The following FBL variants were observed in gnomAD, a reference collection of about 807,000 sequenced individuals.
FBL encodes fibrillarin rRNA 2'-O-methyltransferase.
FBL carries 10 observed loss-of-function variants against 42.2 expected under a neutral mutation model. The observed-to-expected ratio is 0.24, with a 90% CI of 0.15 to 0.40. The LOEUF is 0.40. FBL is among the 10% of genes least tolerant of loss of function. The pLI, the probability that FBL is intolerant of heterozygous loss-of-function variation, is 1.00. For synonymous variants in FBL, 165 were observed against 165.4 expected (o/e 1.00, Z 0.02); for missense variants, 351 against 439.2 (o/e 0.80, Z 1.79).
In FBL at chr19:39,836,603, C is replaced by A; in HGVS notation, c.748G>T (p.Ala250Ser). The A allele has an allele frequency of 1.2e-6, 2 of 1,614,156 alleles. No individual in the cohort carries two copies. Among genetic ancestry groups the A allele is most frequent in the South Asian group, 2.2e-5 (2 of 91,088 alleles). ...PDQTRIVALN[A>S]HTFLRNGGHF... is the part of the protein sequence containing the mutation. Reference sequence around the variant, plus strand: ...CCTCCATTACGCAGGAAGGTGTGGGCATTCAGGGCCACAATCCGGGTCTGG... The same window carrying A: ...CCTCCATTACGCAGGAAGGTGTGGGAATTCAGGGCCACAATCCGGGTCTGG... The change falls in exon 7 of 9, where the codon GCC (alanine) becomes TCC (serine). Residue 250 changes from alanine (A) to serine (S), a missense_variant. Coordinates refer to ENST00000221801, the MANE Select transcript of FBL (RefSeq NM_001436.4).
Position 39,834,524 on chromosome 19 carries a change from G to C in FBL, c.*14C>G. ...ATCAACACACATCTCTCGCAATCCT[G>C]ACAGCGCTGAACTTCAGTTCTTCAC... is the stretch of plus-strand genomic sequence containing the variant. On this transcript the variant is annotated 3_prime_UTR_variant, in exon 9 of 9. Coordinates refer to ENST00000221801, the MANE Select transcript of FBL (RefSeq NM_001436.4). 6.2e-7 allele frequency: 1 copy of C among 1,614,062 alleles called. No homozygotes were observed. The highest frequency in any genetic ancestry group is 1.1e-5 in the South Asian group (1 of 91,072).
intron 5 of FBL, 23 bp from the exon 6 acceptor site, chr19:39,837,866 G>C (rs765336777): frequency 6.2e-7 from 1 of 1,607,830 alleles, no homozygotes; most frequent in Non-Finnish European, 8.5e-7. Flanking sequence ...AAAAATTAAT[G>C]AACAGTGATG....
At position 39,834,529 on chromosome 19, in the gene FBL, C is replaced by T. The variant is rs1293442711; in HGVS notation, c.*9G>A. The T allele has an allele frequency of 5.0e-6, 8 of 1,613,996 alleles. No homozygotes were observed. Among genetic ancestry groups the T allele is most frequent in the African/African-American group, 4.0e-5 (3 of 74,898 alleles). The stretch of plus-strand genomic sequence containing the variant: ...CACACATCTCTCGCAATCCTGACAG[C>T]GCTGAACTTCAGTTCTTCACCTTGG... On this transcript the variant is annotated 3_prime_UTR_variant, in exon 9 of 9. Coordinates refer to ENST00000221801, the MANE Select transcript of FBL (RefSeq NM_001436.4).
rs201482712 is a variant in FBL at position 39,834,687 on chromosome 19, C to T, written c.922G>A (p.Val308Met). ...TLEPYERDHA[V>M]VVGVYRPPPK... ...GCTCACCTGTACACTCCCACGACCA[C>T]GGCATGGTCTCTTTCATATGGCTCA... The change falls in exon 8 of 9, where the codon GTG (valine) becomes ATG (methionine). Residue 308 changes from valine to methionine, a missense_variant. Coordinates refer to ENST00000221801, the MANE Select transcript of FBL (RefSeq NM_001436.4). 1.2e-4 allele frequency: 194 copies of T among 1,614,178 alleles called. No homozygotes were observed. In the East Asian group the frequency reaches 3.8e-3, roughly 32 times the overall value.
rs1306031105 is a variant in FBL at position 39,846,350 on chromosome 19, A to T, written c.-50T>A. On this transcript the variant is annotated 5_prime_UTR_variant, in exon 1 of 9. Coordinates refer to ENST00000221801, the MANE Select transcript of FBL (RefSeq NM_001436.4). ...CGGAGTCCGCGGCGTTCACAACTCC[A>T]CGAGTCCGGGGCTTTCGCACGTGGA... 11 of 1,609,578 alleles carry T rather than the reference A, an allele frequency of 6.8e-6. 1 individual carries two copies. Among genetic ancestry groups the T allele is most frequent in the South Asian group, 3.3e-5 (3 of 90,376 alleles).
chr19:39,842,619 A>G (rs1969182593), intron 1 of FBL, among the ~76,000 whole-genome samples: 1 of 152,150 alleles, frequency 6.6e-6, no homozygotes, highest in African/African-American at 2.4e-5. Context: ...CTATTTTTAA[A>G]ACAGCAAGTA....
At position 39,846,347 on chromosome 19, in the gene FBL, T is replaced by C. The variant is rs1969263350; in HGVS notation, c.-47A>G. 6.2e-7 allele frequency: 1 copy of C among 1,610,102 alleles called. No individual in the cohort carries two copies. The highest frequency in any genetic ancestry group is 8.5e-7 in the Non-Finnish European group (1 of 1,178,226). ...CTCCGGAGTCCGCGGCGTTCACAACTCCACGAGTCCGGGGCTTTCGCACGT... is the reference window on the plus strand; with the variant it reads ...CTCCGGAGTCCGCGGCGTTCACAACCCCACGAGTCCGGGGCTTTCGCACGT... On this transcript the variant is annotated 5_prime_UTR_variant, in exon 1 of 9. Coordinates refer to ENST00000221801, the MANE Select transcript of FBL (RefSeq NM_001436.4).
chr19:39,837,869 C>G (rs763667516), intron 5 of FBL, 26 bp from the exon 6 acceptor site: 13 of 1,606,820 alleles, frequency 8.1e-6, no homozygotes, highest in Middle Eastern at 3.3e-4. Flanking sequence ...AATTAATGAA[C>G]AGTGATGCTA....
intron 1 of FBL, among the ~76,000 whole-genome samples, chr19:39,844,298 T>C (rs182308248): frequency 5.5e-4 from 83 of 152,292 alleles, no homozygotes; most frequent in African/African-American, 1.9e-3. Flanking sequence ...AGAAAGGAAG[T>C]ACTGGCATGT....
At chr19:39,843,289 GCCTCAAGGAGAAAGCAC>G (rs767159129) in intron 1 of FBL, among the ~76,000 whole-genome samples, 1 of 152,164 alleles carries the variant, frequency 6.6e-6, no homozygotes, top group Non-Finnish European at 1.5e-5. Context: ...CCTGGGCCCT[GCCTCAAGGAGAAAGCAC>G]CCTCTATTTG....
At chr19:39,844,332 T>C (rs1969218497) in intron 1 of FBL, among the ~76,000 whole-genome samples, 1 of 152,050 alleles carries the variant, frequency 6.6e-6, no homozygotes, top group African/African-American at 2.4e-5. Flanking sequence ...TGGGCATGAG[T>C]GTAAACTTTC....
chr19:39,838,196 A>T (rs1274760002), intron 5 of FBL: 3 of 199,644 alleles, frequency 1.5e-5, no homozygotes, highest in Non-Finnish European at 3.1e-5. Flanking sequence ...AATCTTCACA[A>T]GTCTATGTTC....
intron 1 of FBL, among the ~76,000 whole-genome samples, chr19:39,843,338 C>T (rs763888370): frequency 5.3e-5 from 8 of 152,200 alleles, no homozygotes; most frequent in Non-Finnish European, 1.0e-4. Flanking sequence ...CACAATCCAT[C>T]AGATGGTGAC....
At chr19:39,843,330 C>T (rs1010534311) in intron 1 of FBL, among the ~76,000 whole-genome samples, 1 of 152,198 alleles carries the variant, frequency 6.6e-6, no homozygotes, top group Non-Finnish European at 1.5e-5. Context: ...AGAAAGCACA[C>T]AATCCATCAG....
In FBL at chr19:39,840,211, T is replaced by C; in HGVS notation, c.378+22A>G. 1 of 1,588,468 alleles carries C rather than the reference T, an allele frequency of 6.3e-7. No homozygotes were observed. Among genetic ancestry groups the C allele is most frequent in the Non-Finnish European group, 8.6e-7 (1 of 1,157,390 alleles). On this transcript the variant is annotated intron_variant, in intron 4 of 8. Transcript: ENST00000221801. The surrounding 1 kb of genome is among the most constrained non-coding windows in gnomAD (Gnocchi z 4.5). Reference sequence around the variant, plus strand: ...ACCCTCAGCTGCGACCCTGGTGGCTTGGACAGGGGCCCAGTTCTCACCGAA... The same window carrying C: ...ACCCTCAGCTGCGACCCTGGTGGCTCGGACAGGGGCCCAGTTCTCACCGAA...
At position 39,836,581 on chromosome 19, in the gene FBL, C is replaced by G. The variant is rs1316050136; in HGVS notation, c.770G>C (p.Gly257Ala). 2 of 1,613,532 alleles carry G rather than the reference C, an allele frequency of 1.2e-6. No individual in the cohort carries two copies. The highest frequency in any genetic ancestry group is 3.3e-5 in the Admixed American group (2 of 59,998). Reference sequence around the variant, plus strand: ...CTTAATGGAAATCACAAAGTGTCCTCCATTACGCAGGAAGGTGTGGGCATT... The same window carrying G: ...CTTAATGGAAATCACAAAGTGTCCTGCATTACGCAGGAAGGTGTGGGCATT... ...ALNAHTFLRN[G>A]GHFVISIKAN... The change falls in exon 7 of 9, where the codon GGA (glycine) becomes GCA (alanine). Residue 257 changes from glycine (G) to alanine (A), a missense_variant. Transcript: ENST00000221801.
intron 1 of FBL, among the ~76,000 whole-genome samples, chr19:39,845,330 G>C (rs1432006943): frequency 6.6e-6 from 1 of 152,150 alleles, no homozygotes; most frequent in African/African-American, 2.4e-5. Flanking sequence ...AACAATTAGA[G>C]CTAATACTAT....
chr19:39,841,147 C>T (rs1969157640), intron 1 of FBL, among the ~76,000 whole-genome samples: 1 of 152,142 alleles, frequency 6.6e-6, no homozygotes, highest in Non-Finnish European at 1.5e-5. Flanking sequence ...TCACAGCTCA[C>T]CGCAGCCTCG....
intron 1 of FBL, among the ~76,000 whole-genome samples, chr19:39,844,361 C>CCGT (rs1568542711): frequency 6.6e-6 from 1 of 152,064 alleles, no homozygotes; most frequent in East Asian, 1.9e-4. Flanking sequence ...ATACTCAAAA[C>CCGT]ATCTCAATCC....
Sources: allele counts gnomAD v4.1 joint callset (sites outside exome capture counted in the v4.1 genomes callset), GRCh38; gene constraint gnomAD v4.1.1; non-coding constraint Gnocchi (gnomAD v3.1); transcripts MANE v1.5; gene names NCBI Gene and HGNC (gene_info 2026-07-23, HGNC 2026-07-21).